UBAC2: variants seen among roughly 807,000 people sequenced by gnomAD.
The protein encoded by UBAC2 is UBA domain containing 2.
Under a neutral mutation model 44.0 loss-of-function variants are expected in UBAC2, and 26 were observed. That is an observed-to-expected ratio of 0.59 (90% confidence interval 0.43 to 0.82). UBAC2 has a LOEUF of 0.82. Among genes scored for constraint, UBAC2 ranks in the 40% least tolerant of loss-of-function variants. The pLI, the probability that UBAC2 is intolerant of heterozygous loss-of-function variation, is 0.00. For synonymous variants in UBAC2, 155 were observed against 154.3 expected (o/e 1.00, Z -0.04); for missense variants, 329 against 419.4 (o/e 0.78, Z 1.88).
intron 4 of UBAC2, among the ~76,000 whole-genome samples, chr13:99,309,976 T>C (rs1227092990): frequency 6.6e-6 from 1 of 152,238 alleles, no homozygotes; most frequent in Admixed American, 6.5e-5. Flanking sequence ...TGTTATTTTA[T>C]GTTTTCTATC....
chr13:99,279,036 T>G (rs1424734117), intron 4 of UBAC2, among the ~76,000 whole-genome samples: 1 of 152,186 alleles, frequency 6.6e-6, no homozygotes, highest in Non-Finnish European at 1.5e-5. Flanking sequence ...AAAAGTAGAC[T>G]TTAGTCTGCT....
rs183665961 is a variant in UBAC2 at position 99,385,496 on chromosome 13, T to G, written c.*161T>G. 1.7e-6 allele frequency: 1 copy of G among 581,866 alleles called. No homozygotes were observed. The highest frequency in any genetic ancestry group is 2.9e-5 in the Admixed American group (1 of 34,362). 36.0% of individuals were successfully genotyped at this position (581,866 alleles called of 1,614,324 possible). A position where few individuals can be genotyped will look rare whatever the true frequency, so the allele number is the denominator to read the frequency against. ...GCCCTCAACCGCAAGACTGTTGCCG[T>G]TTTAGTGTGGAGATAAGTTTGCCAT... On this transcript the variant is annotated 3_prime_UTR_variant, in exon 9 of 9. Coordinates refer to ENST00000403766, the MANE Select transcript of UBAC2 (RefSeq NM_001144072.2).
At chr13:99,373,171 GTTT>G (rs58290528) in intron 8 of UBAC2, among the ~76,000 whole-genome samples, 15,740 of 139,972 alleles carry the variant, frequency 0.11, 892 homozygotes, top group East Asian at 0.16. Flanking sequence ...CTTTTTTATT[GTTT>G]TTTTTTTTTT....
At chr13:99,216,069 T>C (rs1364229535) in intron 1 of UBAC2, among the ~76,000 whole-genome samples, 1 of 140,938 alleles carries the variant, frequency 7.1e-6, no homozygotes, top group Non-Finnish European at 1.5e-5. Flanking sequence ...ATTACTTTTG[T>C]ACCAACCTAT....
intron 5 of UBAC2, among the ~76,000 whole-genome samples, chr13:99,316,607 C>A (rs1017285899): frequency 6.6e-6 from 1 of 152,170 alleles, no homozygotes; most frequent in Non-Finnish European, 1.5e-5. Flanking sequence ...AGATGTAGCC[C>A]CTGTCCTCAA....
chr13:99,372,342 A>G (rs1160311723), intron 8 of UBAC2: 1 of 152,446 alleles, frequency 6.6e-6, no homozygotes, highest in East Asian at 1.9e-4. Context: ...AGAGAAGTCT[A>G]AATCTGATGA....
At chr13:99,216,078 ATATTTG>A (rs1391917601) in intron 1 of UBAC2, among the ~76,000 whole-genome samples, 15 of 86,362 alleles carry the variant, frequency 1.7e-4, no homozygotes, top group East Asian at 1.1e-3. Flanking sequence ...GTACCAACCT[ATATTTG>A]TGTGTGTGTG....
At chr13:99,247,200 TTTTTTTTTG>T (rs1018951138) in intron 4 of UBAC2, among the ~76,000 whole-genome samples, 1 of 82,390 alleles carries the variant, frequency 1.2e-5, no homozygotes, top group Non-Finnish European at 3.4e-5. Context: ...CTACTGTTTT[TTTTTTTTTG>T]TTTTGTTTTG....
intron 8 of UBAC2, among the ~76,000 whole-genome samples, chr13:99,378,431 G>T (rs2045509399): frequency 6.6e-6 from 1 of 152,178 alleles, no homozygotes; most frequent in South Asian, 2.1e-4. Context: ...GGAGGCTGAG[G>T]CAGGAGAATG....
chr13:99,284,351 T>C (rs1477639278), intron 4 of UBAC2, among the ~76,000 whole-genome samples: 1 of 152,262 alleles, frequency 6.6e-6, no homozygotes, highest in Non-Finnish European at 1.5e-5. Context: ...AACTGCTGTT[T>C]CTTTTCAGTA....
chr13:99,345,281 C>G (rs935374751), intron 7 of UBAC2, among the ~76,000 whole-genome samples: 4 of 152,114 alleles, frequency 2.6e-5, no homozygotes, highest in African/African-American at 9.7e-5. Flanking sequence ...TGGACATTGG[C>G]TGTGAAAAAT....
chr13:99,332,011 G>C (rs1052057151), intron 6 of UBAC2, among the ~76,000 whole-genome samples: 5 of 151,926 alleles, frequency 3.3e-5, no homozygotes, highest in African/African-American at 7.3e-5. Flanking sequence ...AGTTGCAAGG[G>C]GACATTTATT....
At chr13:99,338,458 C>G (rs2044835041) in intron 6 of UBAC2, among the ~76,000 whole-genome samples, 1 of 152,212 alleles carries the variant, frequency 6.6e-6, no homozygotes, top group Non-Finnish European at 1.5e-5. Flanking sequence ...CAAGCTTGCT[C>G]TAGTCCCTGT....
At chr13:99,383,659 C>G (rs1296990412) in intron 8 of UBAC2, among the ~76,000 whole-genome samples, 2 of 152,272 alleles carry the variant, frequency 1.3e-5, no homozygotes, top group Non-Finnish European at 2.9e-5. Context: ...GGGTTGAAAG[C>G]AACGTTCCGG....
intron 7 of UBAC2, among the ~76,000 whole-genome samples, chr13:99,346,400 G>A (rs1329075920): frequency 2.0e-5 from 3 of 152,132 alleles, no homozygotes; most frequent in Non-Finnish European, 4.4e-5. Context: ...ATCCTTCAGG[G>A]CCTCTCCATA....
At chr13:99,324,538 T>A (rs2044612222) in intron 6 of UBAC2, among the ~76,000 whole-genome samples, 1 of 152,246 alleles carries the variant, frequency 6.6e-6, no homozygotes. Context: ...TGAAATTTGA[T>A]AATTTGTTAC....
At chr13:99,274,997 T>A (rs563204893) in intron 4 of UBAC2, among the ~76,000 whole-genome samples, 1 of 152,326 alleles carries the variant, frequency 6.6e-6, no homozygotes, top group East Asian at 1.9e-4. Flanking sequence ...GGATTATAGA[T>A]GTGAGCCACT....
chr13:99,370,482 G>A (rs944793862), intron 8 of UBAC2, among the ~76,000 whole-genome samples: 3 of 152,172 alleles, frequency 2.0e-5, no homozygotes, highest in Admixed American at 2.0e-4. Context: ...GTTTCCCTCT[G>A]CCTGTTGTTT....
At chr13:99,328,463 G>A (rs888222132) in intron 6 of UBAC2, among the ~76,000 whole-genome samples, 3 of 152,148 alleles carry the variant, frequency 2.0e-5, no homozygotes, top group Admixed American at 6.5e-5. Context: ...TTCCACCATC[G>A]ATGTTTGAAA....
Sources: gnomAD v4.1 joint callset for allele counts (sites outside exome capture counted in the v4.1 genomes callset) on GRCh38, gnomAD v4.1.1 for gene constraint, MANE v1.5 for transcripts, NCBI Gene and HGNC (gene_info 2026-07-23, HGNC 2026-07-21) for gene names.